RRP12: variants seen among roughly 807,000 people sequenced by gnomAD.
The protein encoded by RRP12 is RRP12-like protein.
RRP12 carries 78 observed loss-of-function variants against 157.3 expected under a neutral mutation model. That is an observed-to-expected ratio of 0.50 (90% CI 0.41 to 0.60). RRP12 has a LOEUF of 0.60. Ranked by LOEUF, RRP12 falls within the 20% of genes least tolerant of loss-of-function variation. RRP12 has a pLI of 0.00. For synonymous variants in RRP12, 726 were observed against 670.9 expected (o/e 1.08, Z -1.27); for missense variants, 1,521 against 1,679.9 (o/e 0.91, Z 1.65).
chr10:97,393,307 G>A, intron 4 of RRP12: 1 of 437,764 alleles, frequency 2.3e-6, no homozygotes, highest in Non-Finnish European at 4.6e-6. Context: ...CATGGAACCA[G>A]GGAAGCACTG....
intron 4 of RRP12, 39 bp downstream of exon 4, chr10:97,393,645 A>G (rs773600645): frequency 2.6e-6 from 4 of 1,532,796 alleles, no homozygotes; most frequent in Non-Finnish European, 2.7e-6. Flanking sequence ...TCTCCCCTCC[A>G]CAAAAAGCCT....
intron 20 of RRP12, chr10:97,371,297 C>T (rs1844147572): frequency 3.3e-6 from 2 of 602,482 alleles, no homozygotes; most frequent in Non-Finnish European, 3.0e-6. Flanking sequence ...CAATCCACTC[C>T]ACTCACCCAG....
chr10:97,365,004 A>C (rs1843934855), intron 29 of RRP12, among the ~76,000 whole-genome samples: 1 of 152,126 alleles, frequency 6.6e-6, no homozygotes. Context: ...GCACATGTAC[A>C]CCAAGTACAT....
intron 25 of RRP12, among the ~76,000 whole-genome samples, chr10:97,368,699 C>T (rs1844056953): frequency 6.6e-6 from 1 of 152,198 alleles, no homozygotes; most frequent in African/African-American, 2.4e-5. Context: ...TGGATCACTG[C>T]TCTAGCTGTT....
chr10:97,394,530 C>T (rs1844900580), intron 3 of RRP12, among the ~76,000 whole-genome samples: 1 of 152,110 alleles, frequency 6.6e-6, no homozygotes, highest in Non-Finnish European at 1.5e-5. Context: ...GCTAGAACTA[C>T]AGGCATGCGC....
chr10:97,396,380 A>T (rs1844965867), intron 2 of RRP12, 79 bp from the exon 3 acceptor site: 3 of 1,114,126 alleles, frequency 2.7e-6, no homozygotes, highest in Non-Finnish European at 4.1e-6. Context: ...TTGCTCCTTC[A>T]CAGATTAATC....
At chr10:97,388,666 T>C in intron 6 of RRP12, 42 bp from the exon 7 acceptor site, 1 of 1,601,648 alleles carries the variant, frequency 6.2e-7, no homozygotes. Flanking sequence ...AGATCAGCGT[T>C]CCACCAGCAT....
At chr10:97,367,742 T>G (rs1466183068) in intron 25 of RRP12, among the ~76,000 whole-genome samples, 2 of 151,788 alleles carry the variant, frequency 1.3e-5, no homozygotes, top group African/African-American at 4.9e-5. Flanking sequence ...CGTCTACTCC[T>G]TTTTTTTGAG....
rs569698083 is a variant in RRP12, at chr10:97,360,403, A to G, written c.3640+143T>C. On this transcript the variant is annotated intron_variant, in intron 31 of 33. Coordinates refer to ENST00000370992, the MANE Select transcript of RRP12 (RefSeq NM_015179.4). ...AGACTCCAGGCCCATCTTGAGTGTCATATCAGCCAACCTCTGTTGGTGCCA... is the reference window on the plus strand; with the variant it reads ...AGACTCCAGGCCCATCTTGAGTGTCGTATCAGCCAACCTCTGTTGGTGCCA... The G allele has an allele frequency of 3.2e-5, 22 of 679,650 alleles. No homozygotes were observed. The Admixed American group carries it at 3.7e-4, about 12-fold the overall frequency. The allele number at this position is 679,650 out of a possible 1,614,324, so 42.1% of individuals were successfully genotyped here.
chr10:97,363,973 C>G, intron 29 of RRP12, 70 bp from the exon 30 acceptor site: 1 of 1,433,332 alleles, frequency 7.0e-7, no homozygotes, highest in Admixed American at 1.7e-5. Flanking sequence ...CCTTCTGCCC[C>G]CTCCTGGCTC....
intron 29 of RRP12, among the ~76,000 whole-genome samples, chr10:97,365,294 G>A (rs1173382321): frequency 7.6e-6 from 1 of 131,716 alleles, no homozygotes; most frequent in Admixed American, 8.1e-5. Flanking sequence ...TTTTTTTTGA[G>A]ACAGAGTTTC....
chr10:97,373,807 G>A (rs371261533), intron 16 of RRP12, 23 bp downstream of exon 16: 10 of 1,613,346 alleles, frequency 6.2e-6, no homozygotes, highest in Non-Finnish European at 8.5e-6. Flanking sequence ...TTCTCCCCAC[G>A]CCCTCCCCCA....
intron 6 of RRP12, among the ~76,000 whole-genome samples, chr10:97,389,187 A>G (rs10882918): frequency 0.38 from 57,673 of 151,680 alleles, 11,391 homozygotes; most frequent in African/African-American, 0.49. Context: ...TCCGCCTCCC[A>G]GGTTCACGCC....
intron 15 of RRP12, 149 bp downstream of exon 15, chr10:97,379,144 C>T (rs1240884608): frequency 2.2e-6 from 2 of 924,032 alleles, no homozygotes; most frequent in Non-Finnish European, 3.3e-6. Context: ...GGCACTCCAG[C>T]ACTGGCTGGC....
intron 3 of RRP12, 58 bp downstream of exon 3, chr10:97,396,160 G>C: frequency 8.0e-7 from 1 of 1,255,946 alleles, no homozygotes; most frequent in East Asian, 2.3e-5. Context: ...TCATCTTCTC[G>C]CTAAATCTTG....
At position 97,398,344 on chromosome 10, in the gene RRP12, G is replaced by A. The variant is rs546670022; in HGVS notation, c.369+1961C>T. Reference sequence around the variant, plus strand: ...GCTGGGATTACAGGCGTGAGCCACCGCGCCCGGCCTTTTTTTTTTTTTTTT... The same window carrying A: ...GCTGGGATTACAGGCGTGAGCCACCACGCCCGGCCTTTTTTTTTTTTTTTT... On this transcript the variant is annotated intron_variant, in intron 2 of 33. Coordinates refer to ENST00000370992, the MANE Select transcript of RRP12 (RefSeq NM_015179.4). Among the ~76,000 whole-genome samples the A allele has an allele frequency of 2.4e-4, 16 of 65,846 alleles. 2 individuals carry two copies. The highest frequency in any genetic ancestry group is 4.8e-4 in the South Asian group (1 of 2,100). 43.2% of individuals were successfully genotyped at this position (65,846 alleles called of 152,430 possible).
At chr10:97,400,163 G>A (rs1440164914) in intron 2 of RRP12, 142 bp downstream of exon 2, 4 of 683,732 alleles carry the variant, frequency 5.9e-6, no homozygotes, top group South Asian at 5.2e-5. Flanking sequence ...TGCCCTAGGA[G>A]GAGACATAAA....
intron 13 of RRP12, among the ~76,000 whole-genome samples, chr10:97,380,317 ATGCGGGACCAGTC>A (rs376966315): frequency 5.3e-5 from 8 of 152,276 alleles, no homozygotes; most frequent in African/African-American, 1.9e-4. Context: ...GTCTCTGCTG[ATGCGGGACCAGTC>A]TGGGGGCTGT....
At chr10:97,365,590 T>A (rs1399555712) in intron 29 of RRP12, among the ~76,000 whole-genome samples, 1 of 151,974 alleles carries the variant, frequency 6.6e-6, no homozygotes, top group Non-Finnish European at 1.5e-5. Flanking sequence ...AAGTGTTTCT[T>A]AGCTAATGGC....
Sources: gnomAD v4.1 joint callset for allele counts (sites outside exome capture counted in the v4.1 genomes callset) on GRCh38, gnomAD v4.1.1 for gene constraint, MANE v1.5 for transcripts, NCBI Gene and HGNC (gene_info 2026-07-23, HGNC 2026-07-21) for gene names.